Variants in GLIS1 observed in about 807,000 individuals in gnomAD.
GLIS1 encodes the protein zinc finger protein GLIS1.
In GLIS1, 24 loss-of-function variants were observed where a neutral mutation model predicts 63.8. The observed-to-expected ratio is 0.38, with a 90% CI of 0.27 to 0.53. The LOEUF is 0.53. Ranked by LOEUF, GLIS1 falls within the 20% of genes least tolerant of loss-of-function variation. The pLI is 0.85. For synonymous variants in GLIS1, 450 were observed against 482.5 expected, an observed-to-expected ratio of 0.93 and a Z score of 0.88; for missense variants, 1,036 against 1,074.1, an observed-to-expected ratio of 0.96 and a Z score of 0.50.
In GLIS1 at chr1:53,613,760, T is replaced by C. The variant is rs146640766; in HGVS notation, c.260-13482A>G. On this transcript the variant is annotated intron_variant, in intron 2 of 10. Coordinates refer to ENST00000628545, the MANE Select transcript of GLIS1 (RefSeq NM_001367484.1). ...CACCACACAAGGAACTGAGAAAGTC[T>C]CAAATGATTTATGAGGCAGTCACTT... Among the ~76,000 whole-genome samples, 857 of 152,270 alleles carry C rather than the reference T, an allele frequency of 5.6e-3. 5 individuals carry two copies. The highest frequency in any genetic ancestry group is 0.02 in the African/African-American group (819 of 41,550).
intron 2 of GLIS1, among the ~76,000 whole-genome samples, chr1:53,696,847 G>C (rs1646470429): frequency 6.6e-6 from 1 of 152,186 alleles, no homozygotes; most frequent in Non-Finnish European, 1.5e-5. Context: ...TCCACTCTTG[G>C]AACTCCTGCA....
intron 2 of GLIS1, among the ~76,000 whole-genome samples, chr1:53,667,205 C>A (rs1177411847): frequency 6.6e-6 from 1 of 152,250 alleles, no homozygotes; most frequent in East Asian, 1.9e-4. Flanking sequence ...TGCAAGGCCA[C>A]TGGCACCTGC....
Position 53,514,756 on chromosome 1 carries a change from G to T in GLIS1, c.1752C>A (p.Pro584=). The T allele has an allele frequency of 6.2e-7, 1 of 1,605,086 alleles. No homozygotes were observed. The highest frequency in any genetic ancestry group is 8.5e-7 in the Non-Finnish European group (1 of 1,175,712). The part of the protein sequence containing the change: ...LPGVYPGSIT[P]HNGLASGLLP... ...GGAGGCCCGATGCAAGTCCGTTATG[G>T]GGGGTGATGGAGCCAGGATACACAC... Residue 584 remains proline (P), a synonymous_variant, in exon 8 of 11, where the codon CCC becomes CCA. Transcript: ENST00000628545.
rs766529872 is a variant in GLIS1 at position 53,594,675 on chromosome 1, G to A, written c.753C>T (p.Ala251=). The A allele has an allele frequency of 1.9e-6, 3 of 1,553,506 alleles. No homozygotes were observed. The highest frequency in any genetic ancestry group is 3.7e-5 in the Admixed American group (2 of 54,360). Residue 251 remains alanine, a synonymous_variant, in exon 4 of 11, where the codon GCC becomes GCT. Coordinates refer to ENST00000628545, the MANE Select transcript of GLIS1 (RefSeq NM_001367484.1). ...CVLGLPPTSP[A]SSSPCASSDV... is the part of the protein sequence containing the mutation. ...CGGAGGAGGCACAGGGTGAGGAGGA[G>A]GCTGGGGAGGTGGGGGGTAGGCCCA...
chr1:53,642,438 C>A (rs904339221), intron 2 of GLIS1, among the ~76,000 whole-genome samples: 1 of 152,154 alleles, frequency 6.6e-6, no homozygotes, highest in Non-Finnish European at 1.5e-5. Context: ...CCTTCCACCT[C>A]GGGGCCCTGC....
chr1:53,573,375 C>T (rs1382674272), intron 4 of GLIS1, among the ~76,000 whole-genome samples: 2 of 152,122 alleles, frequency 1.3e-5, no homozygotes, highest in African/African-American at 4.8e-5. Context: ...CCTCCACCCC[C>T]TCCAATTTAT....
intron 8 of GLIS1, among the ~76,000 whole-genome samples, chr1:53,512,380 C>T (rs1018828449): frequency 6.6e-6 from 1 of 152,164 alleles, no homozygotes; most frequent in Non-Finnish European, 1.5e-5. Context: ...AAAAAAATAC[C>T]CTATTCGGCG....
In GLIS1 at chr1:53,540,397, G is replaced by A. The variant is rs377235077; in HGVS notation, c.1321-10445C>T. Among the ~76,000 whole-genome samples, 11 of 152,220 alleles carry A rather than the reference G, an allele frequency of 7.2e-5. No individual in the cohort carries two copies. In the East Asian group the frequency reaches 9.7e-4, roughly 13 times the overall value. Reference sequence around the variant, plus strand: ...CTCAACCCTCTCTGCAAACAAACTCGCCCCACGGCCTCAGCAGGGGTCTCC... The same window carrying A: ...CTCAACCCTCTCTGCAAACAAACTCACCCCACGGCCTCAGCAGGGGTCTCC... On this transcript the variant is annotated intron_variant, in intron 4 of 10. Transcript: ENST00000628545.
intron 2 of GLIS1, among the ~76,000 whole-genome samples, chr1:53,622,082 C>A (rs1447725710): frequency 6.6e-6 from 1 of 151,970 alleles, no homozygotes; most frequent in Non-Finnish European, 1.5e-5. Context: ...CTGCGTCCGG[C>A]CTCATACAGG....
At chr1:53,678,493 A>T in intron 2 of GLIS1, among the ~76,000 whole-genome samples, 1 of 151,994 alleles carries the variant, frequency 6.6e-6, no homozygotes, top group Non-Finnish European at 1.5e-5. Flanking sequence ...TCCTAGCACC[A>T]ACAATATTTT....
chr1:53,525,314 C>T (rs1644454767), intron 5 of GLIS1, among the ~76,000 whole-genome samples: 1 of 150,872 alleles, frequency 6.6e-6, no homozygotes, highest in African/African-American at 2.4e-5. Context: ...GGGGCACCCA[C>T]ACAGGGCCAG....
chr1:53,729,653 T>C (rs1357473655), intron 2 of GLIS1, among the ~76,000 whole-genome samples: 1 of 152,184 alleles, frequency 6.6e-6, no homozygotes, highest in African/African-American at 2.4e-5. Flanking sequence ...AATTCACATA[T>C]CTCTGAAGCA....
chr1:53,648,381 T>C (rs1386175788), intron 2 of GLIS1, among the ~76,000 whole-genome samples: 1 of 152,070 alleles, frequency 6.6e-6, no homozygotes, highest in African/African-American at 2.4e-5. Flanking sequence ...TGGGGAGCAA[T>C]GGGAACTCTG....
intron 4 of GLIS1, among the ~76,000 whole-genome samples, chr1:53,535,530 G>A (rs1644573450): frequency 6.6e-6 from 1 of 151,974 alleles, no homozygotes; most frequent in African/African-American, 2.4e-5. Flanking sequence ...GGTGGGTATG[G>A]GGCCCCTGAC....
intron 4 of GLIS1, among the ~76,000 whole-genome samples, chr1:53,548,887 T>A (rs558151442): frequency 1.3e-5 from 2 of 152,336 alleles, no homozygotes; most frequent in South Asian, 4.1e-4. Context: ...TTTTAGAATA[T>A]TTTTATCACT....
intron 4 of GLIS1, among the ~76,000 whole-genome samples, chr1:53,559,926 C>A (rs1644869586): frequency 6.6e-6 from 1 of 152,080 alleles, no homozygotes; most frequent in Admixed American, 6.5e-5. Context: ...ACACACACAG[C>A]CCCCTACCTC....
intron 4 of GLIS1, among the ~76,000 whole-genome samples, chr1:53,584,748 G>A (rs530372961): frequency 2.0e-5 from 3 of 152,312 alleles, no homozygotes; most frequent in African/African-American, 7.2e-5. Flanking sequence ...AGGTGACCGA[G>A]ACCTTAGGGG....
intron 2 of GLIS1, among the ~76,000 whole-genome samples, chr1:53,621,204 A>G (rs114368084): frequency 9.8e-4 from 149 of 152,334 alleles, no homozygotes; most frequent in African/African-American, 3.5e-3. Context: ...CCCATGGGAC[A>G]CTTAGCTCAG....
intron 2 of GLIS1, among the ~76,000 whole-genome samples, chr1:53,662,941 G>T (rs1349852004): frequency 6.6e-6 from 1 of 152,200 alleles, no homozygotes; most frequent in Non-Finnish European, 1.5e-5. Flanking sequence ...GCACAGAAAA[G>T]GTAACTGCCC....
Sources: gnomAD v4.1 joint callset for allele counts (sites outside exome capture counted in the v4.1 genomes callset) on GRCh38, gnomAD v4.1.1 for gene constraint, MANE v1.5 for transcripts, NCBI Gene and HGNC (gene_info 2026-07-23, HGNC 2026-07-21) for gene names.